The following RPS6KC1 variants were observed in gnomAD, a reference collection of about 807,000 sequenced individuals.
RPS6KC1 encodes the protein inactive ribosomal protein S6 kinase delta-1.
RPS6KC1 carries 54 observed loss-of-function variants against 103.8 expected under a neutral mutation model. The ratio of observed to expected loss-of-function variants is 0.52; its 90% CI spans 0.42 to 0.65. The LOEUF is 0.65. Ranked by LOEUF, RPS6KC1 falls within the 30% of genes least tolerant of loss-of-function variation. The probability of loss-of-function intolerance (pLI) is 0.00; values close to 1 mark genes in which losing one functional copy is unlikely to be tolerated. For missense variants in RPS6KC1, 1,151 were observed against 1,253.8 expected (o/e 0.92, Z 1.24); for synonymous variants, 439 against 438.7 (o/e 1.00, Z -0.01).
chr1:213,205,567 TTTCAAAAGAATGTAGCAGTCCC>T (rs2093325949), intron 8 of RPS6KC1, among the ~76,000 whole-genome samples: 10 of 138,626 alleles, frequency 7.2e-5, no homozygotes, highest in East Asian at 6.3e-4. Flanking sequence ...TATATATATA[TTTCAAAAGAATGTAGCAGTCCC>T]ATAGGTTTTA....
chr1:213,540,934 A>G, the RPS6KC1 span, among the ~76,000 whole-genome samples: 3 of 152,064 alleles, frequency 2.0e-5, no homozygotes, highest in Non-Finnish European at 4.4e-5. Flanking sequence ...CATAGGAAGC[A>G]ACTCCTCATC....
chr1:213,247,279 A>G (rs918565901), intron 12 of RPS6KC1, among the ~76,000 whole-genome samples: 3 of 152,244 alleles, frequency 2.0e-5, no homozygotes, highest in African/African-American at 7.2e-5. Context: ...CTCACAGCTG[A>G]CGGTGAAAAG....
At chr1:213,805,866 C>T in the RPS6KC1 span, among the ~76,000 whole-genome samples, 2 of 152,216 alleles carry the variant, frequency 1.3e-5, no homozygotes, top group African/African-American at 2.4e-5. Flanking sequence ...AAAATTACAC[C>T]TTGATTCACA....
the RPS6KC1 span, among the ~76,000 whole-genome samples, chr1:213,465,467 C>T: frequency 6.6e-6 from 1 of 152,124 alleles, no homozygotes; most frequent in Non-Finnish European, 1.5e-5. Context: ...GTGGCTGTGC[C>T]AGTTTCCTCG....
chr1:213,154,553 A>G (rs1304438485), intron 6 of RPS6KC1, among the ~76,000 whole-genome samples: 1 of 152,260 alleles, frequency 6.6e-6, no homozygotes, highest in Non-Finnish European at 1.5e-5. Flanking sequence ...CCATAGGACT[A>G]CTGCCAGAAT....
the RPS6KC1 span, among the ~76,000 whole-genome samples, chr1:213,754,740 A>G: frequency 6.6e-6 from 1 of 152,178 alleles, no homozygotes; most frequent in Non-Finnish European, 1.5e-5. Flanking sequence ...ACCCAGCCTC[A>G]GGTATTTCTT....
intron 4 of RPS6KC1, among the ~76,000 whole-genome samples, chr1:213,115,467 G>A (rs1027818868): frequency 4.6e-5 from 7 of 151,982 alleles, no homozygotes; most frequent in African/African-American, 1.7e-4. Flanking sequence ...AGTCTTGCTA[G>A]CTGTCTATCA....
the RPS6KC1 span, among the ~76,000 whole-genome samples, chr1:213,754,138 A>G: frequency 2.0e-5 from 3 of 152,236 alleles, 1 homozygote; most frequent in Non-Finnish European, 1.5e-5. Context: ...ATCATAGACC[A>G]GGTGGCTTAA....
At chr1:213,090,072 T>C (rs2080824260) in intron 3 of RPS6KC1, among the ~76,000 whole-genome samples, 1 of 152,180 alleles carries the variant, frequency 6.6e-6, no homozygotes, top group Admixed American at 6.5e-5. Flanking sequence ...TAGAGTCTTA[T>C]GGTTGAAGAA....
chr1:213,329,880 T>C, the RPS6KC1 span, among the ~76,000 whole-genome samples: 1 of 144,594 alleles, frequency 6.9e-6, no homozygotes, highest in Non-Finnish European at 1.5e-5. Flanking sequence ...CCTCCTACCC[T>C]TCCTTTCACA....
chr1:213,683,915 C>A, the RPS6KC1 span, among the ~76,000 whole-genome samples: 4 of 152,172 alleles, frequency 2.6e-5, no homozygotes, highest in Non-Finnish European at 5.9e-5. Flanking sequence ...ACCTGGGGCA[C>A]CTTTCCAGGC....
chr1:213,734,025 A>G, the RPS6KC1 span, among the ~76,000 whole-genome samples: 1 of 152,246 alleles, frequency 6.6e-6, no homozygotes, highest in African/African-American at 2.4e-5. Flanking sequence ...TGGAAAAAAG[A>G]ACACACAAGA....
chr1:213,064,974 C>CTTTTTT (rs34664044), intron 1 of RPS6KC1, among the ~76,000 whole-genome samples: 2 of 89,692 alleles, frequency 2.2e-5, no homozygotes, highest in Admixed American at 1.5e-4. Flanking sequence ...CGTGCCCGGC[C>CTTTTTT]TTTTTTTTTT....
At chr1:213,230,446 T>C in intron 8 of RPS6KC1, 51 bp from the exon 9 acceptor site, 1 of 1,343,236 alleles carries the variant, frequency 7.4e-7, no homozygotes, top group South Asian at 1.2e-5. Flanking sequence ...AAGCTAAGAG[T>C]TAATGTTTCA....
intron 8 of RPS6KC1, among the ~76,000 whole-genome samples, chr1:213,214,775 T>C (rs952186684): frequency 6.6e-6 from 1 of 152,036 alleles, no homozygotes; most frequent in Non-Finnish European, 1.5e-5. Flanking sequence ...GGGTCTGGAG[T>C]GGACCTCCGG....
chr1:213,431,042 G>A, the RPS6KC1 span, among the ~76,000 whole-genome samples: 1 of 152,190 alleles, frequency 6.6e-6, no homozygotes, highest in Non-Finnish European at 1.5e-5. Context: ...AGGGGGAGGA[G>A]AATGTTTTAG....
At chr1:213,590,695 A>G in the RPS6KC1 span, among the ~76,000 whole-genome samples, 3 of 152,098 alleles carry the variant, frequency 2.0e-5, no homozygotes, top group African/African-American at 7.2e-5. Context: ...GGGTGAGGTC[A>G]CTCTCATCAG....
chr1:213,402,446 TA>T, the RPS6KC1 span, among the ~76,000 whole-genome samples: 1 of 149,572 alleles, frequency 6.7e-6, no homozygotes, highest in African/African-American at 2.5e-5. Flanking sequence ...CTAGCACCCA[TA>T]ACTTACCTGT....
chr1:213,542,887 C>T, the RPS6KC1 span, among the ~76,000 whole-genome samples: 1,199 of 152,274 alleles, frequency 7.9e-3, 7 homozygotes, highest in Non-Finnish European at 0.013. Context: ...TAGCTTGGGT[C>T]TCCCAAATTT....
Sources: gnomAD v4.1 joint callset for allele counts (sites outside exome capture counted in the v4.1 genomes callset) on GRCh38, gnomAD v4.1.1 for gene constraint, MANE v1.5 for transcripts, NCBI Gene and HGNC (gene_info 2026-07-23, HGNC 2026-07-21) for gene names.